The following AFG2A variants were observed in gnomAD, a reference collection of about 807,000 sequenced individuals.
AFG2A encodes ATPase family gene 2 protein homolog A.
the AFG2A span, among the ~76,000 whole-genome samples, chr4:123,137,693 C>T: frequency 6.6e-6 from 1 of 152,044 alleles, no homozygotes; most frequent in African/African-American, 2.4e-5. Context: ...GTATAAATTT[C>T]CATATGTTTG....
At chr4:123,175,299 T>C in the AFG2A span, among the ~76,000 whole-genome samples, 1 of 152,098 alleles carries the variant, frequency 6.6e-6, no homozygotes, top group Non-Finnish European at 1.5e-5. Context: ...AAAAATGCTT[T>C]CAAATCAAGA....
the AFG2A span, among the ~76,000 whole-genome samples, chr4:123,087,338 G>T: frequency 4.0e-3 from 615 of 152,224 alleles, 3 homozygotes; most frequent in Non-Finnish European, 5.0e-3. Context: ...TGGAGCTGGA[G>T]TTTTTTATTT....
At chr4:122,993,301 A>G in the AFG2A span, among the ~76,000 whole-genome samples, 1 of 152,016 alleles carries the variant, frequency 6.6e-6, no homozygotes, top group Non-Finnish European at 1.5e-5. Context: ...CCGTCTTTGT[A>G]TATTTTAATG....
At chr4:123,131,512 C>T in the AFG2A span, among the ~76,000 whole-genome samples, 1 of 152,116 alleles carries the variant, frequency 6.6e-6, no homozygotes. Context: ...ACCTCCTCCC[C>T]CCAGTCCCTT....
At chr4:122,941,227 G>A in the AFG2A span, among the ~76,000 whole-genome samples, 18 of 151,638 alleles carry the variant, frequency 1.2e-4, no homozygotes, top group Admixed American at 3.3e-4. Context: ...CTTGGGCAGT[G>A]TGGCCATTTT....
the AFG2A span, among the ~76,000 whole-genome samples, chr4:123,067,344 C>G: frequency 6.6e-6 from 1 of 151,858 alleles, no homozygotes; most frequent in Non-Finnish European, 1.5e-5. Context: ...TGGCGAAACC[C>G]CATCTCTACT....
At chr4:123,142,147 T>C in the AFG2A span, among the ~76,000 whole-genome samples, 1 of 152,222 alleles carries the variant, frequency 6.6e-6, no homozygotes, top group South Asian at 2.1e-4. Context: ...TAAATATCTG[T>C]ATCACTGTGA....
the AFG2A span, among the ~76,000 whole-genome samples, chr4:122,983,222 C>T: frequency 6.6e-6 from 1 of 152,114 alleles, no homozygotes; most frequent in East Asian, 1.9e-4. Flanking sequence ...GTCAATTTTG[C>T]TTATCTTTTG....
chr4:122,940,201 C>T, the AFG2A span, among the ~76,000 whole-genome samples: 8 of 151,984 alleles, frequency 5.3e-5, no homozygotes, highest in South Asian at 2.1e-4. Flanking sequence ...CCTGAGGAAT[C>T]GCCACACTGA....
At chr4:123,298,154 G>A in the AFG2A span, among the ~76,000 whole-genome samples, 628 of 152,148 alleles carry the variant, frequency 4.1e-3, 8 homozygotes, top group Admixed American at 6.4e-3. Flanking sequence ...CATAGGAAGT[G>A]ACCTAATTCA....
the AFG2A span, among the ~76,000 whole-genome samples, chr4:123,089,339 T>C: frequency 6.6e-5 from 10 of 152,340 alleles, no homozygotes; most frequent in Admixed American, 2.6e-4. Context: ...ACAAAGTTAT[T>C]GGGTGTGTAT....
the AFG2A span, among the ~76,000 whole-genome samples, chr4:122,996,557 C>CTAGG: frequency 1.4e-5 from 2 of 140,264 alleles, no homozygotes; most frequent in African/African-American, 2.7e-5. Context: ...AGGTAGATAG[C>CTAGG]TAGGTAGGTA....
At chr4:122,959,699 A>G in the AFG2A span, among the ~76,000 whole-genome samples, 1 of 152,218 alleles carries the variant, frequency 6.6e-6, no homozygotes, top group Non-Finnish European at 1.5e-5. Flanking sequence ...TAGGATATGA[A>G]TACAAAACCT....
At chr4:123,092,472 T>TA in the AFG2A span, among the ~76,000 whole-genome samples, 1 of 152,216 alleles carries the variant, frequency 6.6e-6, no homozygotes, top group Non-Finnish European at 1.5e-5. Flanking sequence ...ATGTAAGGCT[T>TA]ACAGTAAACT....
the AFG2A span, among the ~76,000 whole-genome samples, chr4:123,186,540 G>C: frequency 2.0e-5 from 3 of 152,138 alleles, no homozygotes; most frequent in Admixed American, 1.3e-4. Context: ...CTTCTCATTT[G>C]TAAGTTTTAG....
the AFG2A span, among the ~76,000 whole-genome samples, chr4:123,162,219 A>G: frequency 1.3e-5 from 2 of 152,356 alleles, no homozygotes; most frequent in African/African-American, 4.8e-5. Context: ...GAAGAATAAA[A>G]GTATTTTTTA....
the AFG2A span, among the ~76,000 whole-genome samples, chr4:123,132,487 T>TTG: frequency 0.059 from 8,739 of 149,130 alleles, 405 homozygotes; most frequent in African/African-American, 0.13. Flanking sequence ...TGAATTATAT[T>TTG]TGTGTGTGTG....
At chr4:123,127,408 T>C in the AFG2A span, among the ~76,000 whole-genome samples, 1 of 152,194 alleles carries the variant, frequency 6.6e-6, no homozygotes, top group Admixed American at 6.5e-5. Flanking sequence ...AACTATCTTA[T>C]GGGAAATTAA....
chr4:123,175,107 C>T, the AFG2A span, among the ~76,000 whole-genome samples: 1 of 152,072 alleles, frequency 6.6e-6, no homozygotes, highest in South Asian at 2.1e-4. Context: ...TGAGGAAGAA[C>T]TTCTTAAACC....
Sources: allele counts gnomAD v4.1 joint callset (sites outside exome capture counted in the v4.1 genomes callset), GRCh38; gene constraint gnomAD v4.1.1; transcripts MANE v1.5; gene names NCBI Gene and HGNC (gene_info 2026-07-23, HGNC 2026-07-21).